Variants in CPNE7 observed in about 807,000 individuals in gnomAD.
CPNE7 encodes copine 7.
In CPNE7, 78 loss-of-function variants were observed where a neutral mutation model predicts 66.5. The ratio of observed to expected loss-of-function variants is 1.17; its 90% confidence interval spans 0.98 to 1.42. The LOEUF (loss-of-function observed/expected upper bound fraction) is 1.42, where lower values mean the gene tolerates loss of function less well. Ranked by LOEUF, CPNE7 falls within the 40% of genes most tolerant of loss-of-function variation. CPNE7 has a pLI of 0.00. For synonymous variants in CPNE7, 468 were observed against 336.7 expected, an observed-to-expected ratio of 1.39 and a Z score of -4.27; for missense variants, 1,012 against 776.6, an observed-to-expected ratio of 1.30 and a Z score of -3.60.
chr16:89,590,618 C>G (rs889525505), intron 11 of CPNE7, among the ~76,000 whole-genome samples: 9 of 151,402 alleles, frequency 5.9e-5, no homozygotes, highest in African/African-American at 1.9e-4. Context: ...GCCTCAGGCA[C>G]TGCTGGATCC....
rs1184304026 is a variant in CPNE7, at chr16:89,584,899, G to T, written c.591+42G>T. 6.5e-7 allele frequency: 1 copy of T among 1,549,978 alleles called. No individual in the cohort carries two copies. The highest frequency in any genetic ancestry group is 8.9e-7 in the Non-Finnish European group (1 of 1,124,860). ...GGGAACACAGGGAGGGGAAGGGGCT[G>T]TCCCCAGCCCTCACGCATCTCTGGC... is the stretch of plus-strand genomic sequence containing the variant. On this transcript the variant is annotated intron_variant, in intron 5 of 14. Transcript: ENST00000319518. The surrounding 1 kb of genome is among the most constrained non-coding windows in gnomAD (Gnocchi z 6.0).
In CPNE7 at chr16:89,589,909, T is replaced by A. The variant is rs1597715298; in HGVS notation, c.1074T>A (p.Phe358Leu). The change falls in exon 11 of 15, where the codon TTT becomes TTA. Residue 358 changes from phenylalanine to leucine, a missense_variant. By Grantham distance (22) the Phe-to-Leu change is conservative. Coordinates refer to ENST00000319518, the MANE Select transcript of CPNE7 (RefSeq NM_153636.3). ...GCCTCTCTTCCAGTGACAAGAGGTT[T>A]TCCGCTTTGGGGTTTGGAGCCCGGA... ...ICQDYDSDKR[F>L]SALGFGARIP... 1 of 1,613,790 alleles carries A rather than the reference T, an allele frequency of 6.2e-7. No homozygotes were observed. Among genetic ancestry groups the A allele is most frequent in the East Asian group, 2.2e-5 (1 of 44,884 alleles).
At position 89,595,585 on chromosome 16, in the gene CPNE7, C is replaced by T. The variant is rs1245074956; in HGVS notation, c.1521C>T (p.Pro507=). The change falls in exon 14 of 15, where the codon CCC becomes CCT. Residue 507 remains proline (P), a synonymous_variant. Transcript: ENST00000319518. ...TCCGGGACATCGTACAGTTCGTGCC[C>T]TTCCGGGAGCTCAAGAACGTGAGTG... is the stretch of plus-strand genomic sequence containing the variant. The part of the protein sequence containing the change: ...PALRDIVQFV[P]FRELKNASPA... The T allele has an allele frequency of 3.1e-6, 5 of 1,604,620 alleles. No individual in the cohort carries two copies. The highest frequency in any genetic ancestry group is 4.3e-6 in the Non-Finnish European group (5 of 1,173,696).
chr16:89,589,844 G>T, intron 10 of CPNE7, 53 bp from the exon 11 acceptor site: 1 of 1,599,402 alleles, frequency 6.3e-7, no homozygotes, highest in South Asian at 1.1e-5. Flanking sequence ...AGTGGCCCCT[G>T]TTGCAGCCAC....
At chr16:89,580,971 C>CCCA (rs1221875819) in intron 2 of CPNE7, among the ~76,000 whole-genome samples, 2 of 146,308 alleles carry the variant, frequency 1.4e-5, no homozygotes, top group Non-Finnish European at 1.5e-5. Context: ...CATGGAACAT[C>CCCA]TCACCCATCA....
intron 10 of CPNE7, among the ~76,000 whole-genome samples, chr16:89,589,306 C>T (rs2059134665): frequency 6.6e-6 from 1 of 151,562 alleles, no homozygotes; most frequent in Non-Finnish European, 1.5e-5. Context: ...AAAAGAGACT[C>T]TGCGAGGAAG....
At chr16:89,589,482 CT>C (rs914436605) in intron 10 of CPNE7, among the ~76,000 whole-genome samples, 1 of 152,204 alleles carries the variant, frequency 6.6e-6, no homozygotes, top group African/African-American at 2.4e-5. Flanking sequence ...GTGCTCTGAG[CT>C]TCTTACCACA....
rs758090708 is a variant in CPNE7, at chr16:89,590,999, C to T, written c.1117-8C>T. On this transcript the variant is annotated splice_polypyrimidine_tract_variant and splice_region_variant and intron_variant, in intron 11 of 14. Transcript: ENST00000319518. ...AGCAGCTGACTGAGCCCTCTTGTTC[C>T]CACCCAGGTGTCCCATGACTTTGCC... The T allele has an allele frequency of 1.9e-6, 3 of 1,613,638 alleles. No homozygotes were observed. Among genetic ancestry groups the T allele is most frequent in the East Asian group, 4.5e-5 (2 of 44,870 alleles).
chr16:89,589,383 C>T (rs1266459183), intron 10 of CPNE7, among the ~76,000 whole-genome samples: 2 of 152,216 alleles, frequency 1.3e-5, no homozygotes, highest in South Asian at 4.1e-4. Context: ...ACGTCTGTGT[C>T]CCGCTTTGCC....
rs1459917295 is a variant in CPNE7, at chr16:89,575,774, G to T, written c.-124G>T. On this transcript the variant is annotated 5_prime_UTR_variant, in exon 1 of 15. Transcript: ENST00000319518. ...GCCCGAGCCACGTGCGCCCGCGCCCGGCAGGCGTTCAGGGAAGCGCGGCCA... is the reference window on the plus strand; with the variant it reads ...GCCCGAGCCACGTGCGCCCGCGCCCTGCAGGCGTTCAGGGAAGCGCGGCCA... 14 of 677,246 alleles carry T rather than the reference G, an allele frequency of 2.1e-5. No individual in the cohort carries two copies. The highest frequency in any genetic ancestry group is 7.9e-5 in the African/African-American group (4 of 50,904). The allele number at this position is 677,246 out of a possible 1,614,324, so 42.0% of individuals were successfully genotyped here.
At chr16:89,579,582 C>T (rs987441132) in intron 2 of CPNE7, among the ~76,000 whole-genome samples, 1 of 150,946 alleles carries the variant, frequency 6.6e-6, no homozygotes, top group African/African-American at 2.4e-5. Context: ...TCACATCTCA[C>T]CCGTCACACA....
intron 9 of CPNE7, 34 bp from the exon 10 acceptor site, chr16:89,588,641 C>T (rs753756405): frequency 1.9e-5 from 30 of 1,611,634 alleles, no homozygotes; most frequent in Non-Finnish European, 1.5e-5. Flanking sequence ...GGAGCCCCGG[C>T]CCAGCACAGC....
chr16:89,586,186 A>G (rs1318400271), intron 7 of CPNE7, among the ~76,000 whole-genome samples: 3 of 152,054 alleles, frequency 2.0e-5, no homozygotes, highest in African/African-American at 4.8e-5. Flanking sequence ...AGTGGTGACA[A>G]TGACTTGTTA....
At chr16:89,589,823 G>A in intron 10 of CPNE7, 74 bp from the exon 11 acceptor site, 1 of 1,541,580 alleles carries the variant, frequency 6.5e-7, no homozygotes, top group Non-Finnish European at 8.9e-7. Flanking sequence ...CGCCAGTCAT[G>A]TCTCCCTAGA....
At position 89,585,453 on chromosome 16, in the gene CPNE7, C is replaced by A. The variant is rs755957760; in HGVS notation, c.592-11C>A. 1 of 1,605,498 alleles carries A rather than the reference C, an allele frequency of 6.2e-7. No individual in the cohort carries two copies. Among genetic ancestry groups the A allele is most frequent in the Admixed American group, 1.7e-5 (1 of 59,746 alleles). The stretch of plus-strand genomic sequence containing the variant: ...TGGGCCTCCCCTGAGCCAGCCCCTC[C>A]CGGCCCACAGGTGGTGAAGAACAAC... On this transcript the variant is annotated splice_polypyrimidine_tract_variant and intron_variant, in intron 5 of 14. Transcript: ENST00000319518.
In CPNE7 at chr16:89,584,349, C is replaced by T. The variant is rs538963738; in HGVS notation, c.507+247C>T. Among the ~76,000 whole-genome samples the T allele has an allele frequency of 2.0e-5, 3 of 152,348 alleles. No homozygotes were observed. The highest frequency in any genetic ancestry group is 4.4e-5 in the Non-Finnish European group (3 of 68,026). ...TCCCTCCTGTGGGGACCACTCATGA[C>T]CCTGCTCAGGGATGGGGAAATAGGC... On this transcript the variant is annotated intron_variant, in intron 4 of 14. Transcript: ENST00000319518. The surrounding 1 kb of genome is among the most constrained non-coding windows in gnomAD (Gnocchi z 6.0).
intron 13 of CPNE7, among the ~76,000 whole-genome samples, chr16:89,592,963 C>T: frequency 6.6e-6 from 1 of 151,146 alleles, no homozygotes; most frequent in East Asian, 1.9e-4. Flanking sequence ...CAGGCGCCCG[C>T]CACCATACCC....
Position 89,577,665 on chromosome 16 carries a change from G to C in CPNE7, c.301G>C (p.Gly101Arg). 6.3e-7 allele frequency: 1 copy of C among 1,599,156 alleles called. No homozygotes were observed. ...GGTGTACGACACGCATGGGCCCAGC[G>C]GCTTCAGCTGTCAGGAGGACGATTT... ...FEVYDTHGPS[G>R]FSCQEDDFLG... Residue 101 changes from glycine (G) to arginine (R), a missense_variant, in exon 2 of 15, where the codon GGC becomes CGC. Physicochemically the swap from Gly to Arg is moderately radical, Grantham distance 125. Coordinates refer to ENST00000319518, the MANE Select transcript of CPNE7 (RefSeq NM_153636.3).
Position 89,587,042 on chromosome 16 carries a change from GT to G in CPNE7, c.869del (p.Phe290SerfsTer50). Reference sequence around the variant, plus strand: ...TGGACGCTGACTCCGCCGGCCGGAAGTTCCACAGGGTGTACTCCTTCCTGGA... The same window carrying G: ...TGGACGCTGACTCCGCCGGCCGGAAGTCCACAGGGTGTACTCCTTCCTGGA... ...SGVVVLADLK[F>X]HRVYSFLDYI... On this transcript the variant is annotated frameshift_variant and splice_region_variant, in exon 9 of 15. Transcript: ENST00000319518. LOFTEE classifies it high-confidence loss of function. 6.3e-7 allele frequency: 1 copy of G among 1,578,608 alleles called. No individual in the cohort carries two copies. Among genetic ancestry groups the G allele is most frequent in the South Asian group, 1.2e-5 (1 of 86,616 alleles).
Sources: gnomAD v4.1 joint callset for allele counts (sites outside exome capture counted in the v4.1 genomes callset) on GRCh38, gnomAD v4.1.1 for gene constraint, Gnocchi (gnomAD v3.1) non-coding constraint, MANE v1.5 for transcripts, NCBI Gene and HGNC (gene_info 2026-07-23, HGNC 2026-07-21) for gene names.